Variants in CSMD1 observed in about 807,000 individuals in gnomAD.
CSMD1 encodes CUB and Sushi multiple domains 1.
Under a neutral mutation model 417.5 loss-of-function variants are expected in CSMD1, and 213 were observed. The ratio of observed to expected loss-of-function variants is 0.51; its 90% CI spans 0.46 to 0.57. The LOEUF (loss-of-function observed/expected upper bound fraction) is 0.57. Among genes scored for constraint, CSMD1 ranks in the 20% least tolerant of loss-of-function variants. CSMD1 has a pLI of 0.00. For missense variants in CSMD1, 6,923 were observed against 4,529.7 expected, an observed-to-expected ratio of 1.53 and a Z score of -15.17; for synonymous variants, 2,862 against 1,736.8, an observed-to-expected ratio of 1.65 and a Z score of -16.11.
intron 5 of CSMD1, among the ~76,000 whole-genome samples, chr8:3,873,787 T>A (rs1179389869): frequency 6.6e-6 from 1 of 152,138 alleles, no homozygotes. Flanking sequence ...ACGTAGCCCT[T>A]GATTAGACTG....
At chr8:3,975,030 G>A (rs1186196713) in intron 5 of CSMD1, among the ~76,000 whole-genome samples, 1 of 152,134 alleles carries the variant, frequency 6.6e-6, no homozygotes, top group African/African-American at 2.4e-5. Flanking sequence ...AAATTTTAAA[G>A]TATTTTAAAT....
intron 3 of CSMD1, among the ~76,000 whole-genome samples, chr8:4,310,680 A>C (rs561898257): frequency 1.3e-5 from 2 of 152,294 alleles, no homozygotes; most frequent in South Asian, 2.1e-4. Flanking sequence ...TGGCAAAACA[A>C]AGACACAACA....
intron 3 of CSMD1, among the ~76,000 whole-genome samples, chr8:4,304,000 G>A (rs10108386): frequency 0.11 from 17,456 of 152,164 alleles, 1,196 homozygotes; most frequent in Non-Finnish European, 0.16. Flanking sequence ...TGAACATGAT[G>A]TCTAGGAAGC....
intron 10 of CSMD1, among the ~76,000 whole-genome samples, chr8:3,574,621 G>T (rs930977193): frequency 6.6e-6 from 1 of 152,032 alleles, no homozygotes; most frequent in East Asian, 1.9e-4. Flanking sequence ...TAAATACTGT[G>T]GTATTTAAGA....
chr8:4,043,954 G>T (rs908931985), intron 3 of CSMD1, among the ~76,000 whole-genome samples: 1 of 152,024 alleles, frequency 6.6e-6, no homozygotes, highest in Non-Finnish European at 1.5e-5. Flanking sequence ...TGTCCCAATT[G>T]TGTTGATATA....
At chr8:4,788,224 G>T in intron 1 of CSMD1, 1 of 1,588,850 alleles carries the variant, frequency 6.3e-7, no homozygotes, top group Admixed American at 1.7e-5. Flanking sequence ...GCGCATAAAG[G>T]ACCAGATGAA....
intron 2 of CSMD1, among the ~76,000 whole-genome samples, chr8:4,432,730 CAGG>C (rs1239558325): frequency 3.3e-5 from 5 of 152,144 alleles, no homozygotes; most frequent in Non-Finnish European, 7.3e-5. Context: ...TGAAAGTTCA[CAGG>C]AGATTTCAAA....
At chr8:3,446,744 A>T (rs1815332466) in intron 12 of CSMD1, among the ~76,000 whole-genome samples, 1 of 152,236 alleles carries the variant, frequency 6.6e-6, no homozygotes, top group Non-Finnish European at 1.5e-5. Flanking sequence ...AATGCATAGG[A>T]TGAGGTTATC....
chr8:3,170,785 G>A (rs1324022507), intron 37 of CSMD1, among the ~76,000 whole-genome samples: 1 of 152,156 alleles, frequency 6.6e-6, no homozygotes, highest in African/African-American at 2.4e-5. Flanking sequence ...ATGGACTATT[G>A]AAAACAAGAT....
intron 5 of CSMD1, among the ~76,000 whole-genome samples, chr8:3,957,053 G>A (rs893219687): frequency 2.0e-5 from 3 of 151,166 alleles, no homozygotes; most frequent in Admixed American, 6.6e-5. Context: ...AAGAAATAAC[G>A]TAGGAGACAA....
rs1176572012 is a variant in CSMD1 at position 3,795,961 on chromosome 8, T to TATAG, written c.819-41923_819-41920dup. Among the ~76,000 whole-genome samples the TATAG allele has an allele frequency of 9.6e-5, 4 of 41,860 alleles. 2 individuals carry two copies. Among genetic ancestry groups the TATAG allele is most frequent in the East Asian group, 1.3e-3 (2 of 1,518 alleles). The allele number at this position is 41,860 out of a possible 152,430, so 27.5% of individuals were successfully genotyped here. On this transcript the variant is annotated intron_variant, in intron 5 of 69. Transcript: ENST00000635120. Reference sequence around the variant, plus strand: ...GATATAGATATCTATCATGTACAGATATAGATATCTATCATGTACAGATAT... The same window carrying TATAG: ...GATATAGATATCTATCATGTACAGATATAGATAGATATCTATCATGTACAGATAT...
At chr8:3,367,000 G>T in intron 20 of CSMD1, 32 bp downstream of exon 20, 1 of 1,531,924 alleles carries the variant, frequency 6.5e-7, no homozygotes, top group Non-Finnish European at 9.0e-7. Flanking sequence ...ATTGTTGCCA[G>T]AGGAGAGAAA....
chr8:3,096,101 A>G (rs1336442942), intron 47 of CSMD1, among the ~76,000 whole-genome samples: 2 of 152,210 alleles, frequency 1.3e-5, no homozygotes, highest in Non-Finnish European at 2.9e-5. Context: ...TTGATATTAC[A>G]TATAGGAGAG....
intron 5 of CSMD1, among the ~76,000 whole-genome samples, chr8:3,779,375 G>T (rs1233221414): frequency 6.6e-6 from 1 of 152,160 alleles, no homozygotes; most frequent in East Asian, 1.9e-4. Flanking sequence ...CCAAGATGAA[G>T]AAGGGGCTTC....
At chr8:3,781,152 C>T (rs1439561110) in intron 5 of CSMD1, among the ~76,000 whole-genome samples, 1 of 152,012 alleles carries the variant, frequency 6.6e-6, no homozygotes, top group Non-Finnish European at 1.5e-5. Flanking sequence ...CAAGGTTGTC[C>T]AAACAAGACA....
At chr8:3,936,255 C>A (rs977241866) in intron 5 of CSMD1, among the ~76,000 whole-genome samples, 2 of 151,416 alleles carry the variant, frequency 1.3e-5, no homozygotes, top group Non-Finnish European at 2.9e-5. Context: ...TGGAAAGCTA[C>A]AGCAAGTTAT....
chr8:3,236,770 C>T (rs946297106), intron 26 of CSMD1, among the ~76,000 whole-genome samples: 1 of 152,156 alleles, frequency 6.6e-6, no homozygotes, highest in Non-Finnish European at 1.5e-5. Context: ...TTTTTGCTGA[C>T]TCTGAAGGTT....
intron 3 of CSMD1, among the ~76,000 whole-genome samples, chr8:4,111,202 TTA>T (rs1487362218): frequency 1.3e-5 from 2 of 152,160 alleles, no homozygotes; most frequent in Admixed American, 6.5e-5. Context: ...GATATTTGTG[TTA>T]TGTTTGTCAT....
At chr8:3,720,718 C>T (rs1269657498) in intron 6 of CSMD1, among the ~76,000 whole-genome samples, 2 of 152,070 alleles carry the variant, frequency 1.3e-5, no homozygotes, top group Non-Finnish European at 2.9e-5. Context: ...CAGGCATGTA[C>T]TCTAAGCCCT....
Sources: allele counts gnomAD v4.1 joint callset (sites outside exome capture counted in the v4.1 genomes callset), GRCh38; gene constraint gnomAD v4.1.1; transcripts MANE v1.5; gene names NCBI Gene and HGNC (gene_info 2026-07-23, HGNC 2026-07-21).